The following ERGIC1 variants were observed in gnomAD, a reference collection of about 807,000 sequenced individuals.
The protein encoded by ERGIC1 is endoplasmic reticulum-golgi intermediate compartment 1, also known as endoplasmic reticulum-Golgi intermediate compartment protein 1.
In ERGIC1, 19 loss-of-function variants were observed where a neutral mutation model predicts 38.3. The ratio of observed to expected loss-of-function variants is 0.50; its 90% CI spans 0.35 to 0.73. ERGIC1 has a LOEUF of 0.73. Among genes scored for constraint, ERGIC1 ranks in the 30% least tolerant of loss-of-function variants. The probability of loss-of-function intolerance (pLI) is 0.01; values close to 1 mark genes in which losing one functional copy is unlikely to be tolerated. For synonymous variants in ERGIC1, 124 were observed against 157.6 expected (o/e 0.79, Z 1.60); for missense variants, 294 against 389.2 (o/e 0.76, Z 2.06).
At chr5:172,937,251 G>A (rs1031462165) in intron 9 of ERGIC1, 1 of 152,174 alleles carries the variant, frequency 6.6e-6, no homozygotes, top group African/African-American at 2.4e-5. Flanking sequence ...AGATCAGTAA[G>A]AAAAAGTTAA....
At chr5:172,840,155 A>C in intron 1 of ERGIC1, among the ~76,000 whole-genome samples, 1 of 105,496 alleles carries the variant, frequency 9.5e-6, no homozygotes, top group Non-Finnish European at 2.0e-5. Context: ...CAGTTTTCCC[A>C]CGCTGACCAG....
At chr5:172,904,140 C>A (rs975015179) in intron 3 of ERGIC1, among the ~76,000 whole-genome samples, 1 of 152,164 alleles carries the variant, frequency 6.6e-6, no homozygotes, top group Non-Finnish European at 1.5e-5. Context: ...CTCCCTCCTT[C>A]CTTTCCTTTC....
chr5:172,907,240 C>A (rs552931803), intron 3 of ERGIC1, among the ~76,000 whole-genome samples: 7 of 152,230 alleles, frequency 4.6e-5, no homozygotes, highest in Admixed American at 6.5e-5. Flanking sequence ...GCGAGCCTGA[C>A]CCCGTGGCTG....
chr5:172,905,208 AAG>A (rs1443966188), intron 3 of ERGIC1: 2 of 249,154 alleles, frequency 8.0e-6, no homozygotes, highest in African/African-American at 4.4e-5. Flanking sequence ...TGCTTCAAGG[AAG>A]AGTCTCAGGC....
intron 1 of ERGIC1, among the ~76,000 whole-genome samples, chr5:172,845,086 A>G (rs960967691): frequency 6.6e-6 from 1 of 152,098 alleles, no homozygotes; most frequent in Non-Finnish European, 1.5e-5. Flanking sequence ...ACAGCAGGTG[A>G]TGCCGCTAAG....
At chr5:172,894,754 G>T (rs868225604) in intron 2 of ERGIC1, among the ~76,000 whole-genome samples, 3 of 152,174 alleles carry the variant, frequency 2.0e-5, no homozygotes, top group African/African-American at 7.2e-5. Flanking sequence ...CATGGGCACC[G>T]CCCCCCTCAA....
At chr5:172,888,621 C>A in intron 1 of ERGIC1, 78 bp from the exon 2 acceptor site, 2 of 1,156,056 alleles carry the variant, frequency 1.7e-6, no homozygotes, top group Admixed American at 1.7e-5. Context: ...ATGTGTCACA[C>A]AAGCCAGCAC....
chr5:172,926,631 G>C lies in ERGIC1; in HGVS notation c.541+62G>C, dbSNP rs992733302. 17 of 1,587,882 alleles carry C rather than the reference G, an allele frequency of 1.1e-5. No homozygotes were observed. The highest frequency in any genetic ancestry group is 1.7e-5 in the Admixed American group (1 of 59,932). ...GATGCCCAGTACAGCAGGCAGGGAG[G>C]GGGAGGGCAGAGAGGTGGGGGTGCC... On this transcript the variant is annotated intron_variant, in intron 7 of 9. Coordinates refer to ENST00000393784, the MANE Select transcript of ERGIC1 (RefSeq NM_001031711.3). This position sits in a 1 kb window ranked among gnomAD's most constrained non-coding sequence, Gnocchi z 5.2.
intron 1 of ERGIC1, among the ~76,000 whole-genome samples, chr5:172,844,418 C>A (rs1761236216): frequency 6.6e-6 from 1 of 152,254 alleles, no homozygotes; most frequent in Non-Finnish European, 1.5e-5. Flanking sequence ...CCACTGATCT[C>A]AATTTTATTT....
intron 1 of ERGIC1, among the ~76,000 whole-genome samples, chr5:172,886,538 C>T (rs1762423160): frequency 6.6e-6 from 1 of 152,224 alleles, no homozygotes; most frequent in Non-Finnish European, 1.5e-5. Flanking sequence ...TTTTTATCTC[C>T]TTGCCTAAGG....
At chr5:172,925,629 C>G (rs1763633527) in intron 6 of ERGIC1, among the ~76,000 whole-genome samples, 1 of 152,160 alleles carries the variant, frequency 6.6e-6, no homozygotes. Flanking sequence ...TCAAACACCT[C>G]ACTCTCCTTC....
rs375641727 is a variant in ERGIC1 at position 172,837,442 on chromosome 5, T to G, written c.20+3009T>G. Reference sequence around the variant, plus strand: ...ATAATTCACTTAATTATCATGCTGCTTCTCTCTCCCTCCCATTAGTACATG... The same window carrying G: ...ATAATTCACTTAATTATCATGCTGCGTCTCTCTCCCTCCCATTAGTACATG... On this transcript the variant is annotated intron_variant, in intron 1 of 9. Transcript: ENST00000393784. The surrounding 1 kb of genome is among the most constrained non-coding windows in gnomAD (Gnocchi z 4.3). 1.2e-4 allele frequency among the ~76,000 whole-genome samples: 19 copies of G among 152,356 alleles called. No homozygotes were observed. The highest frequency in any genetic ancestry group is 1.8e-4 in the Non-Finnish European group (12 of 68,026).
At chr5:172,880,836 G>A (rs931117070) in intron 1 of ERGIC1, among the ~76,000 whole-genome samples, 3 of 152,354 alleles carry the variant, frequency 2.0e-5, no homozygotes, top group South Asian at 2.1e-4. Context: ...GATAAACCGC[G>A]TGCCCAGCTA....
At chr5:172,925,705 C>T (rs1476874583) in intron 6 of ERGIC1, among the ~76,000 whole-genome samples, 1 of 152,210 alleles carries the variant, frequency 6.6e-6, no homozygotes, top group Non-Finnish European at 1.5e-5. Context: ...GCCAGTTTAA[C>T]TTCCCACTTT....
In ERGIC1 at chr5:172,932,438, C is replaced by T. The variant is rs1336217542; in HGVS notation, c.544C>T (p.Leu182=). The change falls in exon 8 of 10, where the codon CTG becomes TTG. Residue 182 remains leucine (L), a splice_region_variant and synonymous_variant. Transcript: ENST00000393784. ...ATTCTGCTGTGTCCTTCCCGCAGCC[C>T]TGGCCTCCCACGACTACATCCTGAA... is the stretch of plus-strand genomic sequence containing the variant. ...GGADRLTSNP[L]ASHDYILKIV... is the part of the protein sequence containing the mutation. 2 of 1,614,098 alleles carry T rather than the reference C, an allele frequency of 1.2e-6. No homozygotes were observed. Among genetic ancestry groups the T allele is most frequent in the South Asian group, 1.1e-5 (1 of 91,068 alleles).
chr5:172,899,521 T>C (rs1485366929), intron 3 of ERGIC1, among the ~76,000 whole-genome samples: 2 of 151,992 alleles, frequency 1.3e-5, no homozygotes. Flanking sequence ...TTCACCATTT[T>C]GGTGAGGCTG....
intron 5 of ERGIC1, chr5:172,922,190 C>T (rs1046005996): frequency 6.6e-6 from 1 of 152,264 alleles, no homozygotes; most frequent in African/African-American, 2.4e-5. Flanking sequence ...GTCCAACAGA[C>T]GTGAGCTGAG....
At chr5:172,871,038 A>G (rs79718175) in intron 1 of ERGIC1, among the ~76,000 whole-genome samples, 4,801 of 152,350 alleles carry the variant, frequency 0.032, 110 homozygotes, top group African/African-American at 0.051. Context: ...AGACACCAAT[A>G]GTATTAATGA....
intron 9 of ERGIC1, among the ~76,000 whole-genome samples, chr5:172,943,812 A>G (rs934573955): frequency 1.3e-5 from 2 of 152,198 alleles, no homozygotes; most frequent in African/African-American, 4.8e-5. Flanking sequence ...GGGAGTAATG[A>G]TGCACTGGGA....
Sources: gnomAD v4.1 joint callset for allele counts (sites outside exome capture counted in the v4.1 genomes callset) on GRCh38, gnomAD v4.1.1 for gene constraint, Gnocchi (gnomAD v3.1) non-coding constraint, MANE v1.5 for transcripts, NCBI Gene and HGNC (gene_info 2026-07-23, HGNC 2026-07-21) for gene names.